Variants in ADGRF5 observed in about 807,000 individuals in gnomAD.
ADGRF5 encodes the protein G-protein coupled receptor 116.
A neutral mutation model predicts 132.3 loss-of-function variants in ADGRF5; 75 were observed. The observed-to-expected ratio is 0.57, with a 90% CI of 0.47 to 0.69. The LOEUF (loss-of-function observed/expected upper bound fraction) is 0.69. Ranked by LOEUF, ADGRF5 falls within the 30% of genes least tolerant of loss-of-function variation. The pLI is 0.00. For missense variants in ADGRF5, 1,516 were observed against 1,630.6 expected (o/e 0.93, Z 1.21); for synonymous variants, 629 against 597.6 (o/e 1.05, Z -0.77).
rs762373450 is a variant in ADGRF5 at position 46,858,685 on chromosome 6, G to T, written c.3218C>A (p.Ala1073Asp). Reference protein sequence around the residue: ...VANTWFIVVAAIQDNRYILCK... With the variant: ...VANTWFIVVADIQDNRYILCK... ...GAGTATGTAGCGATTGTCCTGGATG[G>T]CAGCGACCACAATGAACCAGGTGTT... The change falls in exon 17 of 21, where the codon GCC (alanine) becomes GAC (aspartate). Residue 1073 changes from alanine to aspartate, a missense_variant. Around this residue, in one of 2 missense-constraint regions of ADGRF5, gnomAD observed 571 missense variants for 701.2 expected, o/e 0.81. Coordinates refer to ENST00000283296, the MANE Select transcript of ADGRF5 (RefSeq NM_001098518.2). 7.4e-6 allele frequency: 12 copies of T among 1,614,150 alleles called. No homozygotes were observed. The highest frequency in any genetic ancestry group is 1.1e-5 in the South Asian group (1 of 91,078).
At chr6:46,882,171 T>C (rs896229636) in intron 6 of ADGRF5, 64 bp from the exon 7 acceptor site, 6 of 1,086,094 alleles carry the variant, frequency 5.5e-6, no homozygotes, top group East Asian at 2.4e-5. Context: ...TCAAAAGATC[T>C]GAAGCAGAGT....
At chr6:46,896,482 G>A (rs1268287278) in intron 3 of ADGRF5, among the ~76,000 whole-genome samples, 2 of 151,946 alleles carry the variant, frequency 1.3e-5, no homozygotes, top group Admixed American at 1.3e-4. Context: ...GGTAGATCAG[G>A]CCCTTTCAAA....
At chr6:46,931,631 G>A (rs565484447) in intron 1 of ADGRF5, among the ~76,000 whole-genome samples, 1 of 152,356 alleles carries the variant, frequency 6.6e-6, no homozygotes, top group East Asian at 1.9e-4. Context: ...GCTTGGCCCA[G>A]GGGCCCACTG....
chr6:46,885,889 A>C (rs555942346), intron 4 of ADGRF5, among the ~76,000 whole-genome samples: 1 of 152,368 alleles, frequency 6.6e-6, no homozygotes, highest in East Asian at 1.9e-4. Context: ...CTTAACAAAT[A>C]TAAATACAAT....
chr6:46,927,400 G>A (rs1185854444), intron 1 of ADGRF5, among the ~76,000 whole-genome samples: 4 of 152,072 alleles, frequency 2.6e-5, no homozygotes, highest in African/African-American at 9.7e-5. Flanking sequence ...CAGCGTTAGT[G>A]TCAGAGCCAG....
chr6:46,945,753 G>A (rs1374534381), intron 1 of ADGRF5, among the ~76,000 whole-genome samples: 3 of 152,328 alleles, frequency 2.0e-5, no homozygotes, highest in East Asian at 3.9e-4. Context: ...AGACATACCT[G>A]AGACTGGAGA....
intron 3 of ADGRF5, 83 bp downstream of exon 3, chr6:46,899,946 T>C (rs577900549): frequency 1.1e-6 from 1 of 938,292 alleles, no homozygotes; most frequent in Non-Finnish European, 1.8e-6. Context: ...CTGAATTATG[T>C]AGACTACAAT....
chr6:46,876,546 G>T (rs531997804), intron 10 of ADGRF5, among the ~76,000 whole-genome samples: 114 of 152,286 alleles, frequency 7.5e-4, no homozygotes, highest in African/African-American at 2.4e-3. Flanking sequence ...GCTTGCAGGT[G>T]AACTGTCCTT....
chr6:46,911,767 G>T (rs1214429650), intron 1 of ADGRF5, among the ~76,000 whole-genome samples: 1 of 151,972 alleles, frequency 6.6e-6, no homozygotes, highest in African/African-American at 2.4e-5. Flanking sequence ...CATTTATTAA[G>T]TCCTGTTACA....
At chr6:46,877,223 CTCTCTT>C (rs1481414207) in intron 10 of ADGRF5, among the ~76,000 whole-genome samples, 26 of 149,802 alleles carry the variant, frequency 1.7e-4, no homozygotes, top group Non-Finnish European at 2.7e-4. Flanking sequence ...AATTTATTTC[CTCTCTT>C]TCTTTCTTTC....
At chr6:46,877,277 T>C (rs111378652) in intron 10 of ADGRF5, among the ~76,000 whole-genome samples, 51 of 46,118 alleles carry the variant, frequency 1.1e-3, no homozygotes, top group Middle Eastern at 9.3e-3. Context: ...CTTTCTTTCT[T>C]TCTTTCTTTC....
chr6:46,889,541 A>T (rs1773419416), intron 3 of ADGRF5, among the ~76,000 whole-genome samples: 1 of 125,136 alleles, frequency 8.0e-6, no homozygotes, highest in African/African-American at 3.0e-5. Context: ...TTATATAGAC[A>T]CTATATATAT....
Position 46,928,592 on chromosome 6 carries a change from C to T in ADGRF5, c.-24-21806G>A, listed in dbSNP as rs568971644. On this transcript the variant is annotated intron_variant, in intron 1 of 20. Coordinates refer to the ADGRF5 transcript ENST00000265417. ...GTAATCTCCACTCTTCTCTCATTGGCTCCTCTATCTATGGGGATAACAAAC... is the reference window on the plus strand; with the variant it reads ...GTAATCTCCACTCTTCTCTCATTGGTTCCTCTATCTATGGGGATAACAAAC... 3.9e-4 allele frequency among the ~76,000 whole-genome samples: 60 copies of T among 152,276 alleles called. No homozygotes were observed. The South Asian group carries it at 0.012, about 31-fold the overall frequency.
At chr6:46,883,469 C>G in intron 6 of ADGRF5, 90 bp downstream of exon 6, 2 of 687,662 alleles carry the variant, frequency 2.9e-6, no homozygotes, top group Non-Finnish European at 5.2e-6. Flanking sequence ...TAAATTCTGA[C>G]AGATCCAAGC....
At position 46,950,826 on chromosome 6, in the gene ADGRF5, T is replaced by C. The variant is rs544214127; in HGVS notation, c.-25+3908A>G. ...CTGCGCCTGGCTGACTTGGTGTTTT[T>C]TTAAAGGAACCTATTTGGCACTTTA... On this transcript the variant is annotated intron_variant, in intron 1 of 20. Coordinates refer to the ADGRF5 transcript ENST00000265417. 2.6e-5 allele frequency among the ~76,000 whole-genome samples: 4 copies of C among 152,326 alleles called. No homozygotes were observed. In the East Asian group the frequency reaches 7.7e-4, roughly 29 times the overall value.
rs1333030920 is a variant in ADGRF5 at position 46,873,503 on chromosome 6, C to T, written c.1241-1490G>A. On this transcript the variant is annotated intron_variant, in intron 10 of 20. Coordinates refer to ENST00000283296, the MANE Select transcript of ADGRF5 (RefSeq NM_001098518.2). Reference sequence around the variant, plus strand: ...TTTGGCATGCTTGAGTCCTAGATGTCTCCCGCCCCTCTTTTCTCCTCATCC... The same window carrying T: ...TTTGGCATGCTTGAGTCCTAGATGTTTCCCGCCCCTCTTTTCTCCTCATCC... Among the ~76,000 whole-genome samples, 4 of 152,068 alleles carry T rather than the reference C, an allele frequency of 2.6e-5. No homozygotes were observed. In the South Asian group the frequency reaches 6.2e-4, roughly 24 times the overall value.
At chr6:46,953,683 A>ATATCTATATATATC (rs1327246037) in intron 1 of ADGRF5, among the ~76,000 whole-genome samples, 1 of 126,642 alleles carries the variant, frequency 7.9e-6, no homozygotes, top group African/African-American at 2.8e-5. Context: ...ATATATATAT[A>ATATCTATATATATC]TATATATCTC....
At chr6:46,869,353 G>T (rs1770803171) in intron 11 of ADGRF5, 1 of 985,218 alleles carries the variant, frequency 1.0e-6, no homozygotes. Flanking sequence ...CACTTTTGTG[G>T]CTGGAATTAT....
At position 46,860,721 on chromosome 6, in the gene ADGRF5, C is replaced by T; in HGVS notation, c.2373G>A (p.Met791Ile). The change falls in exon 16 of 21, where the codon ATG becomes ATA. Residue 791 changes from methionine (M) to isoleucine (I), a missense_variant. Transcript: ENST00000283296. ...AAAGGTTAAGCAAACTCACCGTCAT[C>T]ATTTCTGAATTTACTTGGGTTGGAA... ...STVPTQVNSE[M>I]MTHVLSTVNV... is the part of the protein sequence containing the mutation. The T allele has an allele frequency of 1.2e-6, 2 of 1,610,522 alleles. No individual in the cohort carries two copies. The highest frequency in any genetic ancestry group is 1.7e-6 in the Non-Finnish European group (2 of 1,177,324).
Sources: allele counts gnomAD v4.1 joint callset (sites outside exome capture counted in the v4.1 genomes callset), GRCh38; gene constraint gnomAD v4.1.1; regional missense constraint gnomAD v4.1.1; transcripts MANE v1.5; gene names NCBI Gene and HGNC (gene_info 2026-07-23, HGNC 2026-07-21).